Variants in TSPAN18 observed in about 807,000 individuals in gnomAD.
TSPAN18 encodes tetraspanin-18.
Under a neutral mutation model 27.3 loss-of-function variants are expected in TSPAN18, and 14 were observed. The ratio of observed to expected loss-of-function variants is 0.51; its 90% CI spans 0.34 to 0.80. The LOEUF (loss-of-function observed/expected upper bound fraction) is 0.80. Ranked by LOEUF, TSPAN18 falls within the 30% of genes least tolerant of loss-of-function variation. The pLI is 0.01. For missense variants in TSPAN18, 268 were observed against 323.9 expected (o/e 0.83, Z 1.32); for synonymous variants, 143 against 136.5 (o/e 1.05, Z -0.33).
chr11:44,861,664 G>T (rs1285894861), intron 3 of TSPAN18, among the ~76,000 whole-genome samples: 1 of 151,828 alleles, frequency 6.6e-6, no homozygotes, highest in Non-Finnish European at 1.5e-5. Flanking sequence ...GTTGGGAGTC[G>T]GGGGCGATGA....
At position 44,901,721 on chromosome 11, in the gene TSPAN18, A is replaced by G. The variant is rs1346624083; in HGVS notation, c.-10-4686A>G. 3.3e-5 allele frequency among the ~76,000 whole-genome samples: 5 copies of G among 152,034 alleles called. No individual in the cohort carries two copies. In the East Asian group the frequency reaches 9.7e-4, roughly 29 times the overall value. ...CCTAGGCCAGTGCTCCTTGTGCCCA[A>G]CTCTCTGCTTGAACATCTGCTCCTG... On this transcript the variant is annotated intron_variant, in intron 3 of 9. Coordinates refer to ENST00000520358, the MANE Select transcript of TSPAN18 (RefSeq NM_130783.5).
intron 3 of TSPAN18, among the ~76,000 whole-genome samples, chr11:44,866,969 A>T (rs987133582): frequency 1.3e-5 from 2 of 152,284 alleles, no homozygotes; most frequent in African/African-American, 4.8e-5. Context: ...ATTGGCTGCA[A>T]CAAATGCATC....
Position 44,908,758 on chromosome 11 carries a change from G to GAAAGGAAAGAAAGAAAGAA in TSPAN18, c.64-946_64-945insAAGGAAAGAAAGAAAGAAA, listed in dbSNP as rs1554938001. Among the ~76,000 whole-genome samples, 22 of 61,942 alleles carry GAAAGGAAAGAAAGAAAGAA rather than the reference G, an allele frequency of 3.6e-4. 1 individual carries two copies. The highest frequency in any genetic ancestry group is 2.0e-3 in the South Asian group (4 of 1,990). The allele number at this position is 61,942 out of a possible 152,430, so 40.6% of individuals were successfully genotyped here. ...AAAAAGAAAGAAAGAGAGAGAGAGA[G>GAAAGGAAAGAAAGAAAGAA]AGAGAGAAAGGAGAAAGAAAGAAAG... On this transcript the variant is annotated intron_variant, in intron 4 of 9. Transcript: ENST00000520358.
chr11:44,862,920 G>A (rs1448585158), intron 3 of TSPAN18, among the ~76,000 whole-genome samples: 2 of 152,170 alleles, frequency 1.3e-5, no homozygotes, highest in Non-Finnish European at 2.9e-5. Context: ...AGAGAGATCT[G>A]TATGCAGACC....
At chr11:44,807,983 T>A (rs969102961) in intron 2 of TSPAN18, among the ~76,000 whole-genome samples, 8 of 152,124 alleles carry the variant, frequency 5.3e-5, no homozygotes, top group African/African-American at 1.9e-4. Flanking sequence ...GCTGGGGATC[T>A]CCCCTAGAAT....
intron 2 of TSPAN18, among the ~76,000 whole-genome samples, chr11:44,808,143 A>G (rs898341344): frequency 1.3e-5 from 2 of 152,188 alleles, no homozygotes; most frequent in African/African-American, 4.8e-5. Context: ...GCTTCACATG[A>G]ATATTCATTG....
At chr11:44,906,376 C>T (rs1859453328) in intron 3 of TSPAN18, 31 bp from the exon 4 acceptor site, 31 of 1,610,990 alleles carry the variant, frequency 1.9e-5, no homozygotes, top group Non-Finnish European at 2.3e-5. Context: ...GGTCCCCCAT[C>T]GGGAAGACTG....
chr11:44,746,174 C>A (rs140388796), intron 1 of TSPAN18, among the ~76,000 whole-genome samples: 1 of 152,168 alleles, frequency 6.6e-6, no homozygotes, highest in Non-Finnish European at 1.5e-5. Flanking sequence ...AGCTGCCCCC[C>A]GTGGGTGGGG....
At chr11:44,893,910 C>T (rs117279021) in intron 3 of TSPAN18, among the ~76,000 whole-genome samples, 233 of 152,330 alleles carry the variant, frequency 1.5e-3, no homozygotes, top group Non-Finnish European at 2.9e-3. Flanking sequence ...GTCAGGGTTT[C>T]GTTTCTGTAT....
chr11:44,855,807 C>T (rs532569952), intron 2 of TSPAN18, among the ~76,000 whole-genome samples: 28 of 150,928 alleles, frequency 1.9e-4, no homozygotes, highest in Non-Finnish European at 2.8e-4. Flanking sequence ...CCCACCATGC[C>T]CTGCCCATCC....
chr11:44,839,599 T>C (rs1288413864), intron 2 of TSPAN18, among the ~76,000 whole-genome samples: 2 of 152,146 alleles, frequency 1.3e-5, no homozygotes, highest in Admixed American at 6.5e-5. Context: ...TCCCCCTGTC[T>C]GCCCCAGGGG....
intron 2 of TSPAN18, among the ~76,000 whole-genome samples, chr11:44,832,458 T>G (rs1857174498): frequency 6.6e-6 from 1 of 152,116 alleles, no homozygotes; most frequent in Admixed American, 6.5e-5. Flanking sequence ...CCAGCCCAGT[T>G]TCTGTTTCCA....
intron 3 of TSPAN18, chr11:44,903,285 T>G (rs976725166): frequency 2.6e-6 from 1 of 389,622 alleles, no homozygotes; most frequent in Middle Eastern, 6.9e-4. Flanking sequence ...GGGACTGGCA[T>G]AGTTGGAAAG....
intron 2 of TSPAN18, among the ~76,000 whole-genome samples, chr11:44,794,611 T>C (rs945298779): frequency 5.9e-5 from 9 of 151,290 alleles, no homozygotes; most frequent in Non-Finnish European, 1.2e-4. Flanking sequence ...GAGGCTGCAG[T>C]GAGCTGAGAT....
In TSPAN18 at chr11:44,796,845, G is replaced by A. The variant is rs540195477; in HGVS notation, c.-153+32333G>A. Among the ~76,000 whole-genome samples, 126 of 152,214 alleles carry A rather than the reference G, an allele frequency of 8.3e-4. 1 individual carries two copies. Among genetic ancestry groups the A allele is most frequent in the Admixed American group, 1.9e-3 (29 of 15,296 alleles). ...CCAGCCCCCAGACCTGAGTCTGCAAGGACTTTCTCAAGCAAATGATCACCC... is the reference window on the plus strand; with the variant it reads ...CCAGCCCCCAGACCTGAGTCTGCAAAGACTTTCTCAAGCAAATGATCACCC... On this transcript the variant is annotated intron_variant, in intron 2 of 9. Coordinates refer to ENST00000520358, the MANE Select transcript of TSPAN18 (RefSeq NM_130783.5).
intron 5 of TSPAN18, among the ~76,000 whole-genome samples, chr11:44,912,194 G>A (rs1202973705): frequency 6.6e-6 from 1 of 151,908 alleles, no homozygotes; most frequent in Non-Finnish European, 1.5e-5. Flanking sequence ...GCTAATTTTT[G>A]TATTTTTTGT....
intron 2 of TSPAN18, among the ~76,000 whole-genome samples, chr11:44,855,078 C>A (rs1734058266): frequency 1.3e-5 from 2 of 151,982 alleles, no homozygotes; most frequent in Non-Finnish European, 2.9e-5. Context: ...CATTGCAATT[C>A]ATTGTTGTAT....
chr11:44,779,612 C>G (rs1855891268), intron 2 of TSPAN18, among the ~76,000 whole-genome samples: 1 of 152,130 alleles, frequency 6.6e-6, no homozygotes, highest in Admixed American at 6.5e-5. Context: ...ACACACACTG[C>G]TGCATGCTAT....
At chr11:44,912,111 T>C (rs1214001736) in intron 5 of TSPAN18, among the ~76,000 whole-genome samples, 1 of 151,508 alleles carries the variant, frequency 6.6e-6, no homozygotes, top group Non-Finnish European at 1.5e-5. Flanking sequence ...AGCCTCAACC[T>C]CCTAGCCTCA....
Sources: allele counts gnomAD v4.1 joint callset (sites outside exome capture counted in the v4.1 genomes callset), GRCh38; gene constraint gnomAD v4.1.1; transcripts MANE v1.5; gene names NCBI Gene and HGNC (gene_info 2026-07-23, HGNC 2026-07-21).